Variants in ELAVL2 observed in about 807,000 individuals in gnomAD.
The protein encoded by ELAVL2 is ELAV-like protein 2.
In ELAVL2, 4 loss-of-function variants were observed where a neutral mutation model predicts 34.6. That is an observed-to-expected ratio of 0.12 (90% CI 0.06 to 0.26). The LOEUF (loss-of-function observed/expected upper bound fraction) is 0.26, where lower values mean the gene tolerates loss of function less well. Ranked by LOEUF, ELAVL2 falls within the 10% of genes least tolerant of loss-of-function variation. ELAVL2 has a pLI of 1.00. For synonymous variants in ELAVL2, 193 were observed against 154.8 expected, an observed-to-expected ratio of 1.25 and a Z score of -1.83; for missense variants, 432 against 442.8, an observed-to-expected ratio of 0.98 and a Z score of 0.22.
intron 1 of ELAVL2, among the ~76,000 whole-genome samples, chr9:23,766,795 T>TCC (rs2038769349): frequency 6.6e-6 from 1 of 152,174 alleles, no homozygotes; most frequent in Non-Finnish European, 1.5e-5. Flanking sequence ...TAAAGCTACT[T>TCC]CCCCTTCACT....
intron 1 of ELAVL2, among the ~76,000 whole-genome samples, chr9:23,779,668 G>A (rs917356869): frequency 1.3e-5 from 2 of 151,876 alleles, no homozygotes; most frequent in Non-Finnish European, 2.9e-5. Flanking sequence ...TAGAAAAAGA[G>A]GCCTGAACAA....
chr9:23,720,366 G>T (rs915307601), intron 3 of ELAVL2, among the ~76,000 whole-genome samples: 4 of 150,462 alleles, frequency 2.7e-5, no homozygotes, highest in African/African-American at 9.8e-5. Flanking sequence ...GTAGAGATGG[G>T]GTTTCGTCAT....
the ELAVL2 span, among the ~76,000 whole-genome samples, chr9:23,850,235 A>ACCC: frequency 8.0e-6 from 1 of 124,784 alleles, no homozygotes; most frequent in East Asian, 2.9e-4. Context: ...CACCACCACC[A>ACCC]CCCCCCCCGC....
chr9:23,808,188 C>G (rs1275253711), intron 1 of ELAVL2, among the ~76,000 whole-genome samples: 1 of 151,488 alleles, frequency 6.6e-6, no homozygotes, highest in Non-Finnish European at 1.5e-5. Flanking sequence ...GGAAGGAAAT[C>G]AACAAATGAT....
At position 23,803,893 on chromosome 9, in the gene ELAVL2, C is replaced by T. The variant is rs189616525; in HGVS notation, c.-16+21913G>A. ...ACGTTTTCTTCCTCTGGACTGTCAACCAGACTTGGAGAACTTGAGAGTGGC... is the reference window on the plus strand; with the variant it reads ...ACGTTTTCTTCCTCTGGACTGTCAATCAGACTTGGAGAACTTGAGAGTGGC... On this transcript the variant is annotated intron_variant, in intron 1 of 6. Transcript: ENST00000397312. 2.0e-3 allele frequency among the ~76,000 whole-genome samples: 303 copies of T among 152,258 alleles called. 4 individuals are homozygous for T. Among genetic ancestry groups the T allele is most frequent in the African/African-American group, 6.9e-3 (286 of 41,552 alleles).
chr9:23,694,635 C>T (rs1332315166), intron 5 of ELAVL2, among the ~76,000 whole-genome samples: 5 of 152,280 alleles, frequency 3.3e-5, no homozygotes, highest in East Asian at 1.9e-4. Flanking sequence ...CATCAAGTCA[C>T]GCTAAAGTAT....
intron 1 of ELAVL2, among the ~76,000 whole-genome samples, chr9:23,793,187 A>G (rs758009738): frequency 2.6e-5 from 4 of 152,142 alleles, no homozygotes; most frequent in Admixed American, 6.5e-5. Flanking sequence ...ACATTACACA[A>G]TCACAAGGGG....
At chr9:23,747,792 T>C (rs760478971) in intron 2 of ELAVL2, among the ~76,000 whole-genome samples, 18 of 152,162 alleles carry the variant, frequency 1.2e-4, no homozygotes, top group Non-Finnish European at 2.6e-4. Context: ...TGCTTTTCAG[T>C]TGTCAATAGC....
chr9:23,792,290 CAACTT>C (rs2060415783), intron 1 of ELAVL2, among the ~76,000 whole-genome samples: 1 of 152,202 alleles, frequency 6.6e-6, no homozygotes, highest in Non-Finnish European at 1.5e-5. Flanking sequence ...ATGACATCTT[CAACTT>C]AACTTAAAGA....
chr9:23,719,254 C>T (rs975285397), intron 3 of ELAVL2, among the ~76,000 whole-genome samples: 1 of 152,150 alleles, frequency 6.6e-6, no homozygotes, highest in Non-Finnish European at 1.5e-5. Flanking sequence ...CTGATAGCAT[C>T]AATAACACTC....
chr9:23,755,560 T>C (rs1399362808), intron 2 of ELAVL2, among the ~76,000 whole-genome samples: 1 of 152,186 alleles, frequency 6.6e-6, no homozygotes, highest in Non-Finnish European at 1.5e-5. Flanking sequence ...CATTACCTTT[T>C]GCCTATGAGA....
At chr9:23,839,694 C>T in the ELAVL2 span, among the ~76,000 whole-genome samples, 1 of 152,114 alleles carries the variant, frequency 6.6e-6, no homozygotes, top group African/African-American at 2.4e-5. Flanking sequence ...ATATCTGAAT[C>T]ATTTTTGCAA....
At chr9:23,804,695 A>G (rs1381135893) in intron 1 of ELAVL2, among the ~76,000 whole-genome samples, 2 of 152,188 alleles carry the variant, frequency 1.3e-5, no homozygotes, top group African/African-American at 4.8e-5. Flanking sequence ...AAAACTTATC[A>G]GTTTGCAGTC....
chr9:23,742,619 C>A (rs1296569459), intron 2 of ELAVL2, among the ~76,000 whole-genome samples: 2 of 152,078 alleles, frequency 1.3e-5, no homozygotes, highest in Non-Finnish European at 2.9e-5. Context: ...AACCCTTCCA[C>A]CGGGGGGAAA....
intron 2 of ELAVL2, among the ~76,000 whole-genome samples, chr9:23,737,961 C>T (rs1480951780): frequency 1.3e-5 from 2 of 152,166 alleles, no homozygotes; most frequent in Admixed American, 6.5e-5. Flanking sequence ...AACAAGTTTT[C>T]GTTACAAAGG....
chr9:23,826,145 G>A lies in ELAVL2; in HGVS notation c.-355C>T, dbSNP rs1035627343. On this transcript the variant is annotated 5_prime_UTR_variant, in exon 1 of 7. Coordinates refer to ENST00000397312, the MANE Select transcript of ELAVL2 (RefSeq NM_004432.5). ...AGACGAAAGAACGTTTTTTCAAAAAGACGATGTCTTTCTCCTTGTTGCTTT... is the reference window on the plus strand; with the variant it reads ...AGACGAAAGAACGTTTTTTCAAAAAAACGATGTCTTTCTCCTTGTTGCTTT... 3 of 152,178 alleles carry A rather than the reference G, an allele frequency of 2.0e-5. No individual in the cohort carries two copies. Among genetic ancestry groups the A allele is most frequent in the Admixed American group, 6.5e-5 (1 of 15,288 alleles). 9.4% of individuals were successfully genotyped at this position (152,178 alleles called of 1,614,324 possible).
rs992637013 is a variant in ELAVL2, at chr9:23,690,667, C to T, written c.*1890G>A. On this transcript the variant is annotated 3_prime_UTR_variant, in exon 7 of 7. Coordinates refer to ENST00000397312, the MANE Select transcript of ELAVL2 (RefSeq NM_004432.5). ...AATAAAAAATAAAACTCAAAGCAACCGCAAAGATAATGTACAACTATGTTA... is the reference window on the plus strand; with the variant it reads ...AATAAAAAATAAAACTCAAAGCAACTGCAAAGATAATGTACAACTATGTTA... 2 of 152,218 alleles carry T rather than the reference C, an allele frequency of 1.3e-5. No homozygotes were observed. The highest frequency in any genetic ancestry group is 2.1e-4 in the South Asian group (1 of 4,812). 9.4% of individuals were successfully genotyped at this position (152,218 alleles called of 1,614,324 possible). A position where few individuals can be genotyped will look rare whatever the true frequency, so the allele number is the denominator to read the frequency against.
Position 23,719,641 on chromosome 9 carries a change from A to C in ELAVL2, c.333+11381T>G, listed in dbSNP as rs150898295. On this transcript the variant is annotated intron_variant, in intron 3 of 6. Coordinates refer to ENST00000397312, the MANE Select transcript of ELAVL2 (RefSeq NM_004432.5). ...TAAATTAAGTTTGCATATAGCAAAA[A>C]ATTTTTTCCTTTAAAAAATTATAGC... Among the ~76,000 whole-genome samples, 4 of 152,236 alleles carry C rather than the reference A, an allele frequency of 2.6e-5. No individual in the cohort carries two copies. The East Asian group carries it at 7.7e-4, about 29-fold the overall frequency.
chr9:23,718,848 G>C (rs2042957513), intron 3 of ELAVL2, among the ~76,000 whole-genome samples: 2 of 152,074 alleles, frequency 1.3e-5, no homozygotes, highest in Admixed American at 6.5e-5. Flanking sequence ...TGATTTGCAA[G>C]ACTAATAGTC....
Sources: allele counts gnomAD v4.1 joint callset (sites outside exome capture counted in the v4.1 genomes callset), GRCh38; gene constraint gnomAD v4.1.1; transcripts MANE v1.5; gene names NCBI Gene and HGNC (gene_info 2026-07-23, HGNC 2026-07-21).